SENP8: variants seen among roughly 807,000 people sequenced by gnomAD.
The protein encoded by SENP8 is SUMO peptidase family member, NEDD8 specific.
SENP8 carries 10 observed loss-of-function variants against 14.4 expected under a neutral mutation model. The observed-to-expected ratio is 0.69, with a 90% CI of 0.43 to 1.18. SENP8 has a LOEUF of 1.18. Ranked by LOEUF, SENP8 falls within the 50% of genes most tolerant of loss-of-function variation. The probability of loss-of-function intolerance (pLI) is 0.00; values close to 1 mark genes in which losing one functional copy is unlikely to be tolerated. For missense variants in SENP8, 202 were observed against 249.4 expected, an observed-to-expected ratio of 0.81 and a Z score of 1.28; for synonymous variants, 94 against 95.5, an observed-to-expected ratio of 0.98 and a Z score of 0.09.
At position 72,140,840 on chromosome 15, in the gene SENP8, T is replaced by C. The variant is rs2081374392; in HGVS notation, c.*578T>C. The C allele has an allele frequency of 6.0e-6, 1 of 167,336 alleles. No individual in the cohort carries two copies. Among genetic ancestry groups the C allele is most frequent in the Non-Finnish European group, 1.5e-5 (1 of 68,318 alleles). The allele number at this position is 167,336 out of a possible 1,614,324, so 10.4% of individuals were successfully genotyped here. A position where few individuals can be genotyped will look rare whatever the true frequency, so the allele number is the denominator to read the frequency against. On this transcript the variant is annotated 3_prime_UTR_variant, in exon 2 of 2. Coordinates refer to ENST00000340912, the MANE Select transcript of SENP8 (RefSeq NM_145204.4). ...CACCATGCACAGGCTTTTCCAGCTA[T>C]CTATATAATGTTTGCAAATATTTGA... is the stretch of plus-strand genomic sequence containing the variant.
intron 1 of SENP8, among the ~76,000 whole-genome samples, chr15:72,118,758 C>T (rs1270635271): frequency 6.6e-6 from 1 of 152,096 alleles, no homozygotes; most frequent in Admixed American, 6.6e-5. Flanking sequence ...TTTTGAAGTG[C>T]TTTTGTATAG....
intron 1 of SENP8, among the ~76,000 whole-genome samples, chr15:72,136,714 T>C (rs1348692446): frequency 6.6e-6 from 1 of 152,208 alleles, no homozygotes; most frequent in Non-Finnish European, 1.5e-5. Flanking sequence ...ACTGGTCTAA[T>C]GGTCAGAATT....
In SENP8 at chr15:72,143,661, T is replaced by C. The variant is rs1483425808; in HGVS notation, c.*3399T>C. On this transcript the variant is annotated 3_prime_UTR_variant, in exon 2 of 2. Transcript: ENST00000340912. ...CATGTTTCAACAGGTACTGTTATTCTCATTTTATAAATAAACTCAGAAGCT... is the reference window on the plus strand; with the variant it reads ...CATGTTTCAACAGGTACTGTTATTCCCATTTTATAAATAAACTCAGAAGCT... 6.6e-6 allele frequency: 1 copy of C among 152,238 alleles called. No individual in the cohort carries two copies. The highest frequency in any genetic ancestry group is 1.5e-5 in the Non-Finnish European group (1 of 68,038). The allele number at this position is 152,238 out of a possible 1,614,324, so 9.4% of individuals were successfully genotyped here.
chr15:72,131,579 TCTC>T lies in SENP8; in HGVS notation c.-47-7995_-47-7993del, dbSNP rs747770366. Among the ~76,000 whole-genome samples, 60 of 152,192 alleles carry T rather than the reference TCTC, an allele frequency of 3.9e-4. 3 individuals carry two copies. ...GGATTTTAGGATTAATAAGAAGTAA[TCTC>T]CTTCTATTAAAATTAATCCTTTGTT... On this transcript the variant is annotated intron_variant, in intron 1 of 1. Coordinates refer to ENST00000340912, the MANE Select transcript of SENP8 (RefSeq NM_145204.4).
intron 1 of SENP8, among the ~76,000 whole-genome samples, chr15:72,121,463 T>C (rs1227141921): frequency 1.3e-5 from 2 of 152,054 alleles, no homozygotes; most frequent in Non-Finnish European, 2.9e-5. Context: ...GTGCAGTGGC[T>C]CAGGCCTGTA....
chr15:72,137,648 G>A (rs2034879), intron 1 of SENP8, among the ~76,000 whole-genome samples: 98,681 of 152,042 alleles, frequency 0.65, 33,417 homozygotes, highest in Non-Finnish European at 0.75. Flanking sequence ...ATTATGGAAG[G>A]AGGAAGCAAT....
rs112511223 is a variant in SENP8 at position 72,127,605 on chromosome 15, T to C, written c.-48+9141T>C. 1.4e-3 allele frequency among the ~76,000 whole-genome samples: 220 copies of C among 152,318 alleles called. 1 individual carries two copies. Among genetic ancestry groups the C allele is most frequent in the African/African-American group, 4.5e-3 (187 of 41,578 alleles). On this transcript the variant is annotated intron_variant, in intron 1 of 1. Transcript: ENST00000340912. ...TTTTGTAAACTAGGGTAGGGAATTT[T>C]CATTTTTTTCTGAGTATGATAGCTA...
intron 1 of SENP8, chr15:72,134,979 AAAG>A: frequency 9.6e-6 from 3 of 312,250 alleles, no homozygotes; most frequent in Non-Finnish European, 1.3e-5. Context: ...ATGATCAGAA[AAAG>A]AAGGAAGCCA....
At chr15:72,136,504 G>A (rs2081328678) in intron 1 of SENP8, among the ~76,000 whole-genome samples, 1 of 151,104 alleles carries the variant, frequency 6.6e-6, no homozygotes, top group Non-Finnish European at 1.5e-5. Context: ...CTCATAAGTA[G>A]CCTTATGTTG....
At chr15:72,123,486 G>C (rs188006497) in intron 1 of SENP8, among the ~76,000 whole-genome samples, 2 of 151,660 alleles carry the variant, frequency 1.3e-5, no homozygotes, top group African/African-American at 4.8e-5. Context: ...AGAAAAACTT[G>C]GTATACACCA....
chr15:72,134,107 C>T (rs1343055339), intron 1 of SENP8, among the ~76,000 whole-genome samples: 3 of 152,054 alleles, frequency 2.0e-5, no homozygotes, highest in Admixed American at 6.5e-5. Context: ...CACCATGCCC[C>T]GCTAATTTTT....
chr15:72,132,415 G>A (rs765299755), intron 1 of SENP8, among the ~76,000 whole-genome samples: 15 of 152,016 alleles, frequency 9.9e-5, no homozygotes, highest in Middle Eastern at 3.2e-3. Context: ...TTTTTTTCCC[G>A]TAATCTAAAT....
At chr15:72,133,062 G>A (rs776644553) in intron 1 of SENP8, among the ~76,000 whole-genome samples, 3 of 152,088 alleles carry the variant, frequency 2.0e-5, no homozygotes, top group African/African-American at 7.2e-5. Flanking sequence ...TCCCAGCTAC[G>A]CGGGAGGCTG....
chr15:72,124,788 A>G (rs1193089449), intron 1 of SENP8, among the ~76,000 whole-genome samples: 1 of 152,118 alleles, frequency 6.6e-6, no homozygotes, highest in Non-Finnish European at 1.5e-5. Context: ...AAAAAGGGGG[A>G]AAAATTAAAG....
intron 1 of SENP8, among the ~76,000 whole-genome samples, chr15:72,127,286 T>C (rs577421827): frequency 2.8e-4 from 42 of 152,276 alleles, no homozygotes; most frequent in Admixed American, 1.3e-3. Flanking sequence ...AACTATCACA[T>C]AGTAATCAGT....
chr15:72,125,752 T>TGC (rs1479339667), intron 1 of SENP8, among the ~76,000 whole-genome samples: 1 of 152,096 alleles, frequency 6.6e-6, no homozygotes, highest in Non-Finnish European at 1.5e-5. Flanking sequence ...TGTGTGTGTG[T>TGC]GCATTAGGAG....
intron 1 of SENP8, among the ~76,000 whole-genome samples, chr15:72,127,172 C>T (rs1275251896): frequency 6.6e-6 from 1 of 152,074 alleles, no homozygotes; most frequent in Non-Finnish European, 1.5e-5. Flanking sequence ...CAAGGCCCCT[C>T]GTCGTCTTAT....
At chr15:72,139,405 A>G in intron 1 of SENP8, 172 bp from the exon 2 acceptor site, 1 of 541,438 alleles carries the variant, frequency 1.8e-6, no homozygotes. Flanking sequence ...TTGCTGTCTC[A>G]GGGGTGGCAG....
intron 1 of SENP8, 31 bp downstream of exon 1, chr15:72,118,495 C>T (rs1176197916): frequency 6.6e-6 from 1 of 152,322 alleles, no homozygotes; most frequent in Non-Finnish European, 1.5e-5. Flanking sequence ...TTCGGTTTGT[C>T]TCGGCAGTGG....
Sources: gnomAD v4.1 joint callset for allele counts (sites outside exome capture counted in the v4.1 genomes callset) on GRCh38, gnomAD v4.1.1 for gene constraint, MANE v1.5 for transcripts, NCBI Gene and HGNC (gene_info 2026-07-23, HGNC 2026-07-21) for gene names.